Variants in ASAP1 observed in about 807,000 individuals in gnomAD.
The protein encoded by ASAP1 is arf-GAP with SH3 domain, ANK repeat and PH domain-containing protein 1.
Under a neutral mutation model 145.2 loss-of-function variants are expected in ASAP1, and 43 were observed. That is an observed-to-expected ratio of 0.30 (90% CI 0.23 to 0.38). The LOEUF is 0.38. Among genes scored for constraint, ASAP1 ranks in the 10% least tolerant of loss-of-function variants. The pLI, the probability that ASAP1 is intolerant of heterozygous loss-of-function variation, is 1.00. For missense variants in ASAP1, 1,018 were observed against 1,355.3 expected (o/e 0.75, Z 3.91); for synonymous variants, 546 against 515.5 (o/e 1.06, Z -0.80).
intron 24 of ASAP1, among the ~76,000 whole-genome samples, chr8:130,095,870 C>T (rs2097516581): frequency 6.6e-6 from 1 of 152,156 alleles, no homozygotes; most frequent in Non-Finnish European, 1.5e-5. Flanking sequence ...CCACCCACCT[C>T]AGACTCCCAA....
chr8:130,208,348 A>G (rs1283659195), intron 5 of ASAP1, among the ~76,000 whole-genome samples: 1 of 152,208 alleles, frequency 6.6e-6, no homozygotes, highest in East Asian at 1.9e-4. Context: ...AGATAACTAC[A>G]ACAATCACCA....
intron 20 of ASAP1, among the ~76,000 whole-genome samples, chr8:130,117,845 C>T (rs1215111090): frequency 6.6e-6 from 1 of 152,160 alleles, no homozygotes; most frequent in Non-Finnish European, 1.5e-5. Context: ...TTATAAAGGC[C>T]AAGAGATGGC....
At chr8:130,064,632 C>G (rs1451684433) in intron 27 of ASAP1, among the ~76,000 whole-genome samples, 1 of 152,108 alleles carries the variant, frequency 6.6e-6, no homozygotes, top group Non-Finnish European at 1.5e-5. Flanking sequence ...ACCCCACCAC[C>G]AAGCAGCGGA....
chr8:130,167,365 T>C, intron 11 of ASAP1, 171 bp downstream of exon 11: 1 of 761,468 alleles, frequency 1.3e-6, no homozygotes, highest in South Asian at 1.4e-5. Context: ...ACATCTTTCC[T>C]ATAAGCAAGG....
chr8:130,072,122 A>G (rs2097447955), intron 27 of ASAP1, among the ~76,000 whole-genome samples: 1 of 152,176 alleles, frequency 6.6e-6, no homozygotes, highest in African/African-American at 2.4e-5. Flanking sequence ...TGCTGACATC[A>G]TGAAGCTTTC....
At chr8:130,054,951 TAC>T (rs2134978534) in intron 29 of ASAP1, 146 bp from the exon 30 acceptor site, 1 of 671,074 alleles carries the variant, frequency 1.5e-6, no homozygotes, top group African/African-American at 1.8e-5. Flanking sequence ...TTTAGTGAAC[TAC>T]AGAGAGCTTA....
At chr8:130,348,063 G>A (rs1212326685) in intron 3 of ASAP1, among the ~76,000 whole-genome samples, 1 of 152,150 alleles carries the variant, frequency 6.6e-6, no homozygotes, top group African/African-American at 2.4e-5. Flanking sequence ...TCTACAGAAT[G>A]TGCGTCATAA....
chr8:130,402,523 A>G (rs1828841756), intron 1 of ASAP1, among the ~76,000 whole-genome samples: 1 of 152,182 alleles, frequency 6.6e-6, no homozygotes, highest in Non-Finnish European at 1.5e-5. Flanking sequence ...GTCTGGGATA[A>G]AAGATGTTAC....
intron 2 of ASAP1, among the ~76,000 whole-genome samples, chr8:130,398,281 C>T (rs901051556): frequency 6.6e-6 from 1 of 152,182 alleles, no homozygotes; most frequent in African/African-American, 2.4e-5. Flanking sequence ...AGTCGCTATC[C>T]CCTACCCACC....
chr8:130,319,765 G>A (rs1424698282), intron 3 of ASAP1, among the ~76,000 whole-genome samples: 1 of 152,162 alleles, frequency 6.6e-6, no homozygotes, highest in Non-Finnish European at 1.5e-5. Flanking sequence ...GAATAAAGTA[G>A]GTGAAGCAGT....
chr8:130,053,892 T>C lies in ASAP1; in HGVS notation c.*839A>G, dbSNP rs2097398088. ...TGTACAATTCCACTTATCCATACTA[T>C]TCCTTTATAAAAGGCAGATTTCAGG... is the stretch of plus-strand genomic sequence containing the variant. On this transcript the variant is annotated 3_prime_UTR_variant, in exon 30 of 30. Coordinates refer to ENST00000518721, the MANE Select transcript of ASAP1 (RefSeq NM_018482.4). 1.3e-5 allele frequency: 2 copies of C among 152,460 alleles called. No homozygotes were observed. 9.4% of individuals were successfully genotyped at this position (152,460 alleles called of 1,614,324 possible).
intron 3 of ASAP1, among the ~76,000 whole-genome samples, chr8:130,344,352 A>C (rs1258297334): frequency 6.6e-6 from 1 of 152,208 alleles, no homozygotes; most frequent in Non-Finnish European, 1.5e-5. Flanking sequence ...TGTTTTTTTC[A>C]GACGAGAAAA....
chr8:130,249,353 C>T (rs374373913), intron 3 of ASAP1, among the ~76,000 whole-genome samples: 69 of 152,254 alleles, frequency 4.5e-4, no homozygotes, highest in African/African-American at 1.5e-3. Context: ...TGTGACTGTC[C>T]ACTTTATATT....
At chr8:130,148,504 T>C (rs961581493) in intron 13 of ASAP1, among the ~76,000 whole-genome samples, 1 of 152,202 alleles carries the variant, frequency 6.6e-6, no homozygotes, top group Admixed American at 6.5e-5. Flanking sequence ...TGTAGGGCCA[T>C]CTTGAAGATG....
intron 5 of ASAP1, among the ~76,000 whole-genome samples, chr8:130,203,475 C>T (rs184669961): frequency 6.6e-6 from 1 of 152,262 alleles, no homozygotes; most frequent in Admixed American, 6.5e-5. Flanking sequence ...TCCCAACAGT[C>T]CAGATCTGGA....
At chr8:130,096,104 A>G (rs1420306584) in intron 24 of ASAP1, among the ~76,000 whole-genome samples, 2 of 152,214 alleles carry the variant, frequency 1.3e-5, no homozygotes, top group African/African-American at 4.8e-5. Flanking sequence ...AGCTACAGAA[A>G]GGAAGATGCT....
intron 3 of ASAP1, among the ~76,000 whole-genome samples, chr8:130,353,697 G>T (rs1826132668): frequency 6.6e-6 from 1 of 152,094 alleles, no homozygotes; most frequent in Non-Finnish European, 1.5e-5. Context: ...TGATGAAACT[G>T]CGTCTCTATT....
intron 13 of ASAP1, among the ~76,000 whole-genome samples, chr8:130,146,999 G>T (rs987780536): frequency 6.6e-6 from 1 of 151,980 alleles, no homozygotes; most frequent in Non-Finnish European, 1.5e-5. Context: ...GCCGAGGTGG[G>T]TGGATCACTT....
chr8:130,199,105 C>T (rs1815698813), intron 5 of ASAP1, among the ~76,000 whole-genome samples: 1 of 152,196 alleles, frequency 6.6e-6, no homozygotes, highest in Non-Finnish European at 1.5e-5. Context: ...TCTCCCTAAC[C>T]TCCTGTTACT....
Sources: allele counts gnomAD v4.1 joint callset (sites outside exome capture counted in the v4.1 genomes callset), GRCh38; gene constraint gnomAD v4.1.1; transcripts MANE v1.5; gene names NCBI Gene and HGNC (gene_info 2026-07-23, HGNC 2026-07-21).